EVC2: variants seen among roughly 807,000 people sequenced by gnomAD.
EVC2 encodes the protein EvC ciliary complex subunit 2.
Under a neutral mutation model 149.3 loss-of-function variants are expected in EVC2, and 148 were observed. The observed-to-expected ratio is 0.99, with a 90% CI of 0.87 to 1.14. The LOEUF is 1.14. Ranked by LOEUF, EVC2 falls within the 50% of genes most tolerant of loss-of-function variation. The pLI is 0.00. For synonymous variants in EVC2, 776 were observed against 649.9 expected (o/e 1.19, Z -2.95); for missense variants, 1,854 against 1,627.3 (o/e 1.14, Z -2.40).
chr4:5,645,226 T>C (rs1717622597), intron 9 of EVC2, among the ~76,000 whole-genome samples: 2 of 150,806 alleles, frequency 1.3e-5, no homozygotes, highest in South Asian at 2.1e-4. Flanking sequence ...CAACCGTGCA[T>C]CTAATGATTT....
In EVC2 at chr4:5,625,567, C is replaced by A. The variant is rs1446261653; in HGVS notation, c.2046+182G>T. On this transcript the variant is annotated intron_variant, in intron 13 of 21. Coordinates refer to ENST00000344408, the MANE Select transcript of EVC2 (RefSeq NM_147127.5). This position sits in a 1 kb window ranked among gnomAD's most constrained non-coding sequence, Gnocchi z 4.0. ...TTGGGCTGGATAAGAATTGTAGCAT[C>A]CTGCTGAACACAGCATTCCAAAAAG... 6.6e-6 allele frequency among the ~76,000 whole-genome samples: 1 copy of A among 152,180 alleles called. No individual in the cohort carries two copies. Among genetic ancestry groups the A allele is most frequent in the African/African-American group, 2.4e-5 (1 of 41,448 alleles).
In EVC2 at chr4:5,590,775, TATTTATGCTGCTATA is replaced by T. The variant is rs577921415; in HGVS notation, c.2830-5940_2830-5926del. ...TGTACATGAGACCTGTATTAGTCCA[TATTTATGCTGCTATA>T]AAGAACTGCCTAAGAGTGAGTAATT... On this transcript the variant is annotated intron_variant, in intron 16 of 21. Transcript: ENST00000344408. 2.5e-3 allele frequency among the ~76,000 whole-genome samples: 383 copies of T among 152,286 alleles called. 4 individuals carry two copies. Among genetic ancestry groups the T allele is most frequent in the African/African-American group, 8.2e-3 (342 of 41,558 alleles).
chr4:5,543,051 C>T (rs1006663963), exon 22 of EVC2: 65 of 973,458 alleles, frequency 6.7e-5, no homozygotes, highest in African/African-American at 2.0e-4. Flanking sequence ...CTTACTATTA[C>T]GCAAACAGAG....
intron 1 of EVC2, among the ~76,000 whole-genome samples, chr4:5,706,010 C>T (rs1722106796): frequency 6.6e-6 from 1 of 152,148 alleles, no homozygotes; most frequent in African/African-American, 2.4e-5. Flanking sequence ...CAAGAGATGT[C>T]CCAGCATCAG....
chr4:5,626,831 C>T (rs1035661459), intron 12 of EVC2, among the ~76,000 whole-genome samples: 1 of 151,954 alleles, frequency 6.6e-6, no homozygotes, highest in Non-Finnish European at 1.5e-5. Context: ...AACAGTGGGA[C>T]CTCTCATCTC....
Position 5,694,426 on chromosome 4 carries a change from C to G in EVC2, c.359G>C (p.Ser120Thr). Residue 120 changes from serine to threonine, a missense_variant, in exon 3 of 22, where the codon AGT becomes ACT. Transcript: ENST00000344408. ...FIPLSTSAAS[S>T]GPWAHSLFAF... The stretch of plus-strand genomic sequence containing the variant: ...AAATAAGGAATGAGCCCATGGCCCA[C>G]TAGAGGCTGCAGAAGTTGAGAGTGG... 6.2e-7 allele frequency: 1 copy of G among 1,614,190 alleles called. No individual in the cohort carries two copies. Among genetic ancestry groups the G allele is most frequent in the Middle Eastern group, 1.6e-4 (1 of 6,062 alleles).
rs1716079660 is a variant in EVC2 at position 5,625,985 on chromosome 4, T to C, written c.1887-77A>G. On this transcript the variant is annotated intron_variant, in intron 12 of 21. Coordinates refer to ENST00000344408, the MANE Select transcript of EVC2 (RefSeq NM_147127.5). The surrounding 1 kb of genome is among the most constrained non-coding windows in gnomAD (Gnocchi z 4.0). The stretch of plus-strand genomic sequence containing the variant: ...GCTTAACTGCTATTGTGCCTGAACA[T>C]TCATCTCCATATTAGTTTGGTTTGA... 14 of 1,548,322 alleles carry C rather than the reference T, an allele frequency of 9.0e-6. No individual in the cohort carries two copies. The highest frequency in any genetic ancestry group is 1.2e-5 in the Non-Finnish European group (14 of 1,125,870).
chr4:5,669,823 T>A (rs920898985), intron 7 of EVC2, among the ~76,000 whole-genome samples: 4 of 152,170 alleles, frequency 2.6e-5, no homozygotes, highest in Admixed American at 6.5e-5. Flanking sequence ...AGGGTCTAGA[T>A]CAATGCTTAA....
the EVC2 span, among the ~76,000 whole-genome samples, chr4:5,533,410 G>C: frequency 1.3e-5 from 2 of 152,202 alleles, no homozygotes; most frequent in Non-Finnish European, 1.5e-5. Flanking sequence ...GAGCCAGTGG[G>C]GGGTGGAGTG....
intron 9 of EVC2, among the ~76,000 whole-genome samples, chr4:5,656,815 C>G (rs1389753025): frequency 6.6e-6 from 1 of 152,170 alleles, no homozygotes; most frequent in Non-Finnish European, 1.5e-5. Flanking sequence ...TTGCATGAAA[C>G]CACCAAGGTT....
chr4:5,573,938 G>GCAT (rs1722774135), intron 19 of EVC2, among the ~76,000 whole-genome samples: 1 of 152,220 alleles, frequency 6.6e-6, no homozygotes, highest in Non-Finnish European at 1.5e-5. Flanking sequence ...GAAAGAACGG[G>GCAT]CATGGTGGCA....
Position 5,640,816 on chromosome 4 carries a change from G to C in EVC2, c.1168C>G (p.Arg390Gly). The C allele has an allele frequency of 4.3e-6, 7 of 1,614,110 alleles. No individual in the cohort carries two copies. The highest frequency in any genetic ancestry group is 5.9e-6 in the Non-Finnish European group (7 of 1,180,030). The stretch of plus-strand genomic sequence containing the variant: ...CAAGCCTCCAGATCTGCATCTGCCC[G>C]ATTCAGGGTTGCAATCTCCAACCTA... Reference protein sequence around the residue: ...LEELEIATLNRADADLEACRT... With the variant: ...LEELEIATLNGADADLEACRT... Residue 390 changes from arginine (R) to glycine (G), a missense_variant, in exon 10 of 22, where the codon CGG (arginine) becomes GGG (glycine). By Grantham distance (125) the Arg-to-Gly change is moderately radical. Coordinates refer to ENST00000344408, the MANE Select transcript of EVC2 (RefSeq NM_147127.5). The surrounding 1 kb of genome is among the most constrained non-coding windows in gnomAD (Gnocchi z 4.6).
In EVC2 at chr4:5,622,138, G is replaced by A. The variant is rs1715731987; in HGVS notation, c.2501+399C>T. 6.6e-6 allele frequency among the ~76,000 whole-genome samples: 1 copy of A among 151,976 alleles called. No individual in the cohort carries two copies. Among genetic ancestry groups the A allele is most frequent in the Non-Finnish European group, 1.5e-5 (1 of 67,982 alleles). ...AACCGCAAGCTCCCCTTCCCCCTCT[G>A]CTCCTGTGGATCATGTCCCCTCCCC... On this transcript the variant is annotated intron_variant, in intron 14 of 21. Transcript: ENST00000344408. This position sits in a 1 kb window ranked among gnomAD's most constrained non-coding sequence, Gnocchi z 5.8.
At chr4:5,650,604 CATATATAT>C (rs66673359) in intron 9 of EVC2, among the ~76,000 whole-genome samples, 3,328 of 52,778 alleles carry the variant, frequency 0.063, 116 homozygotes, top group Middle Eastern at 0.13. Flanking sequence ...TTTTAATCGC[CATATATAT>C]ATATATATAT....
At chr4:5,530,892 G>T in the EVC2 span, among the ~76,000 whole-genome samples, 2 of 152,114 alleles carry the variant, frequency 1.3e-5, no homozygotes, top group African/African-American at 4.8e-5. Context: ...CTGAGAACTT[G>T]GTGTGAGCCA....
At chr4:5,597,579 G>C (rs7675474) in intron 16 of EVC2, among the ~76,000 whole-genome samples, 2,451 of 151,188 alleles carry the variant, frequency 0.016, 43 homozygotes, top group African/African-American at 0.055. Context: ...AAAATAATAA[G>C]AGCTATCTAT....
At chr4:5,535,141 T>C in the EVC2 span, among the ~76,000 whole-genome samples, 2 of 152,064 alleles carry the variant, frequency 1.3e-5, no homozygotes, top group Non-Finnish European at 2.9e-5. This position sits in a 1 kb window ranked among gnomAD's most constrained non-coding sequence, Gnocchi z 4.7. Flanking sequence ...CCCTGGCTGG[T>C]CACCTGCAGT....
At chr4:5,561,573 C>T (rs571594553), downstream of EVC2, among the ~76,000 whole-genome samples, 1 of 152,304 alleles carries the variant, frequency 6.6e-6, no homozygotes, top group East Asian at 1.9e-4. Flanking sequence ...GTGCTGCATG[C>T]ATGCTGATGG....
chr4:5,554,701 G>A (rs1721803109), intron 21 of EVC2, among the ~76,000 whole-genome samples: 2 of 152,200 alleles, frequency 1.3e-5, no homozygotes, highest in Admixed American at 6.5e-5. Flanking sequence ...TCACAGCCTG[G>A]AGACAGAGAA....
Sources: allele counts gnomAD v4.1 joint callset (sites outside exome capture counted in the v4.1 genomes callset), GRCh38; gene constraint gnomAD v4.1.1; non-coding constraint Gnocchi (gnomAD v3.1); transcripts MANE v1.5; gene names NCBI Gene and HGNC (gene_info 2026-07-23, HGNC 2026-07-21).